The following RRN3 variants were observed in gnomAD, a reference collection of about 807,000 sequenced individuals.
RRN3 encodes the protein RNA polymerase I transcription factor RRN3.
In RRN3, 38 loss-of-function variants were observed where a neutral mutation model predicts 82.3. That is an observed-to-expected ratio of 0.46 (90% CI 0.36 to 0.61). RRN3 has a LOEUF of 0.61. Among genes scored for constraint, RRN3 ranks in the 20% least tolerant of loss-of-function variants. RRN3 has a pLI of 0.00. For synonymous variants in RRN3, 284 were observed against 284.3 expected, an observed-to-expected ratio of 1.00 and a Z score of 0.01; for missense variants, 726 against 793.1, an observed-to-expected ratio of 0.92 and a Z score of 1.02.
intron 2 of RRN3, among the ~76,000 whole-genome samples, 171 bp from the exon 3 acceptor site, chr16:15,091,542 T>G (rs1406675872): frequency 6.6e-6 from 1 of 151,576 alleles, no homozygotes; most frequent in Non-Finnish European, 1.5e-5. Flanking sequence ...ACACTCATGT[T>G]AGTGCAGCCA....
intron 10 of RRN3, 144 bp downstream of exon 10, chr16:15,076,414 A>T: frequency 1.5e-6 from 1 of 680,600 alleles, no homozygotes; most frequent in South Asian, 1.6e-5. Flanking sequence ...CATGGCAGCA[A>T]ATTACTCATA....
intron 16 of RRN3, among the ~76,000 whole-genome samples, chr16:15,064,275 A>G (rs1294116758): frequency 1.3e-5 from 2 of 151,950 alleles, no homozygotes; most frequent in South Asian, 4.1e-4. Flanking sequence ...TCCCGGGTTC[A>G]AGAGATTCTC....
chr16:15,065,015 A>G (rs1233380616), intron 16 of RRN3, among the ~76,000 whole-genome samples: 1 of 152,036 alleles, frequency 6.6e-6, no homozygotes, highest in Non-Finnish European at 1.5e-5. Flanking sequence ...AAATACAAAA[A>G]ATTAGCCAGG....
rs1156681498 is a variant in RRN3, at chr16:15,065,083, G to A, written c.1706+136C>T. On this transcript the variant is annotated intron_variant, in intron 16 of 17. Coordinates refer to ENST00000198767, the MANE Select transcript of RRN3 (RefSeq NM_018427.5). ...CGGGAGGCTGAGTCAGGAGAATGGT[G>A]TGAACCCGGGAGGCGGAGCTTGCGG... 3 of 813,476 alleles carry A rather than the reference G, an allele frequency of 3.7e-6. No individual in the cohort carries two copies. In the East Asian group the frequency reaches 7.7e-5, roughly 21 times the overall value. 50.4% of individuals were successfully genotyped at this position (813,476 alleles called of 1,614,324 possible).
At chr16:15,068,097 T>A in intron 15 of RRN3, 72 bp downstream of exon 15, 1 of 1,502,550 alleles carries the variant, frequency 6.7e-7, no homozygotes, top group Non-Finnish European at 9.0e-7. Context: ...AATTTAACAC[T>A]CTTACAATAC....
chr16:15,078,189 A>C (rs2045547114), intron 9 of RRN3, among the ~76,000 whole-genome samples: 2 of 152,210 alleles, frequency 1.3e-5, no homozygotes, highest in African/African-American at 4.8e-5. Context: ...AGAGAGGTGC[A>C]ACTCCAAGTG....
At chr16:15,065,412 G>A (rs1416792941) in intron 15 of RRN3, 41 bp from the exon 16 acceptor site, 2 of 1,587,326 alleles carry the variant, frequency 1.3e-6, no homozygotes, top group Non-Finnish European at 8.6e-7. Flanking sequence ...GCATTAACAT[G>A]CTGGAGTGAC....
At chr16:15,070,276 G>C (rs745615596) in intron 13 of RRN3, 22 bp from the exon 14 acceptor site, 3 of 1,611,328 alleles carry the variant, frequency 1.9e-6, no homozygotes, top group South Asian at 2.2e-5. Flanking sequence ...AAAAATTCAA[G>C]TCAACTTTAC....
intron 3 of RRN3, among the ~76,000 whole-genome samples, chr16:15,087,040 A>G (rs147981881): frequency 9.2e-4 from 140 of 152,352 alleles, no homozygotes; most frequent in African/African-American, 3.0e-3. Flanking sequence ...TGTTAGTGAC[A>G]TGAGAAGAAC....
rs773329546 is a variant in RRN3 at position 15,073,067 on chromosome 16, G to A, written c.1011C>T (p.Asn337=). The A allele has an allele frequency of 2.5e-5, 40 of 1,610,066 alleles. 2 individuals carry two copies. The highest frequency in any genetic ancestry group is 1.8e-4 in the South Asian group (16 of 89,698). ...CGCGATATAGATCCTTTGTTTTGCC[G>A]TTATCAACCTTACCTATGGAGAAAA... ...DVCYVDGKVD[N]GKTKDLYRDL... is the part of the protein sequence containing the mutation. Residue 337 remains asparagine, a synonymous_variant, in exon 12 of 18, where the codon AAC becomes AAT. Coordinates refer to ENST00000198767, the MANE Select transcript of RRN3 (RefSeq NM_018427.5).
rs2151750608 is a variant in RRN3 at position 15,060,544 on chromosome 16, T to C, written c.*1200A>G. On this transcript the variant is annotated 3_prime_UTR_variant, in exon 18 of 18. Coordinates refer to ENST00000198767, the MANE Select transcript of RRN3 (RefSeq NM_018427.5). ...GGCAGAAAATAAATATGCTTAAAGA[T>C]GGCCATTTTCACAAGTAAACAAAAA... 6.5e-6 allele frequency: 1 copy of C among 154,232 alleles called. No homozygotes were observed. The highest frequency in any genetic ancestry group is 2.4e-5 in the African/African-American group (1 of 41,600). The allele number at this position is 154,232 out of a possible 1,614,324, so 9.6% of individuals were successfully genotyped here. A position where few individuals can be genotyped will look rare whatever the true frequency, so the allele number is the denominator to read the frequency against.
intron 9 of RRN3, among the ~76,000 whole-genome samples, chr16:15,078,969 A>G (rs1208827006): frequency 6.6e-6 from 1 of 151,498 alleles, no homozygotes; most frequent in Non-Finnish European, 1.5e-5. Flanking sequence ...CCACCACCAT[A>G]CCCGGCCAAT....
In RRN3 at chr16:15,073,118, C is replaced by T. The variant is rs1567198558; in HGVS notation, c.998-38G>A. 2.5e-6 allele frequency: 4 copies of T among 1,598,222 alleles called. No individual in the cohort carries two copies. The South Asian group carries it at 3.4e-5, about 14-fold the overall frequency. On this transcript the variant is annotated intron_variant, in intron 11 of 17. Transcript: ENST00000198767. The stretch of plus-strand genomic sequence containing the variant: ...TCTGGCATCTCAGTTTTTATAAAGA[C>T]ATATTTTCAAGTTTCATCTGCCATA...
At chr16:15,091,263 T>C in intron 3 of RRN3, 52 bp downstream of exon 3, 5 of 1,603,144 alleles carry the variant, frequency 3.1e-6, no homozygotes, top group Admixed American at 1.7e-5. Context: ...GCAAACTATG[T>C]CTGTATACAG....
intron 9 of RRN3, among the ~76,000 whole-genome samples, chr16:15,078,616 G>C (rs981832864): frequency 2.0e-5 from 3 of 152,132 alleles, no homozygotes; most frequent in African/African-American, 7.2e-5. Flanking sequence ...TGAGCATCCA[G>C]GCTCTTGGTT....
intron 1 of RRN3, among the ~76,000 whole-genome samples, chr16:15,093,463 C>T (rs1442750422): frequency 6.6e-6 from 1 of 152,136 alleles, no homozygotes; most frequent in Non-Finnish European, 1.5e-5. Flanking sequence ...CTGCCTTTCC[C>T]CCCTATGCTG....
At chr16:15,091,941 G>C (rs2046145907) in intron 2 of RRN3, among the ~76,000 whole-genome samples, 1 of 152,174 alleles carries the variant, frequency 6.6e-6, no homozygotes, top group African/African-American at 2.4e-5. Flanking sequence ...CACTTTGGGA[G>C]GCCAAGGCGG....
intron 16 of RRN3, among the ~76,000 whole-genome samples, chr16:15,064,676 G>T (rs1480691715): frequency 2.6e-5 from 4 of 152,190 alleles, no homozygotes; most frequent in Non-Finnish European, 5.9e-5. Context: ...TGTCAGTCTG[G>T]CTCCTAGTGA....
intron 14 of RRN3, among the ~76,000 whole-genome samples, chr16:15,068,569 T>C (rs1187386137): frequency 6.6e-6 from 1 of 152,188 alleles, no homozygotes; most frequent in African/African-American, 2.4e-5. Context: ...GCAAGCTCAG[T>C]GTATGCTGAG....
Sources: gnomAD v4.1 joint callset for allele counts (sites outside exome capture counted in the v4.1 genomes callset) on GRCh38, gnomAD v4.1.1 for gene constraint, MANE v1.5 for transcripts, NCBI Gene and HGNC (gene_info 2026-07-23, HGNC 2026-07-21) for gene names.